The following SGPL1 variants were observed in gnomAD, a reference collection of about 807,000 sequenced individuals.
SGPL1 encodes the protein SP-lyase 1.
In SGPL1, 37 loss-of-function variants were observed where a neutral mutation model predicts 68.9. That is an observed-to-expected ratio of 0.54 (90% CI 0.41 to 0.71). SGPL1 has a LOEUF of 0.71. SGPL1 is among the 30% of genes least tolerant of loss of function. The pLI, the probability that SGPL1 is intolerant of heterozygous loss-of-function variation, is 0.00. For missense variants in SGPL1, 551 were observed against 704.6 expected (o/e 0.78, Z 2.47); for synonymous variants, 236 against 248.5 (o/e 0.95, Z 0.47).
Position 70,879,864 on chromosome 10 carries a change from C to A in SGPL1, c.*2529C>A, listed in dbSNP as rs877034. The A allele has an allele frequency of 6.6e-6, 1 of 152,460 alleles. No individual in the cohort carries two copies. Among genetic ancestry groups the A allele is most frequent in the Non-Finnish European group, 1.5e-5 (1 of 68,006 alleles). The allele number at this position is 152,460 out of a possible 1,614,324, so 9.4% of individuals were successfully genotyped here. A position where few individuals can be genotyped will look rare whatever the true frequency, so the allele number is the denominator to read the frequency against. On this transcript the variant is annotated 3_prime_UTR_variant, in exon 15 of 15. Coordinates refer to ENST00000373202, the MANE Select transcript of SGPL1 (RefSeq NM_003901.4). The stretch of plus-strand genomic sequence containing the variant: ...GTAGAGACACTTAATAGTATCATGT[C>A]GCATGCAGATGTCACATCGGCCTCT...
At chr10:70,825,546 T>G (rs1204064640) in intron 2 of SGPL1, among the ~76,000 whole-genome samples, 1 of 152,130 alleles carries the variant, frequency 6.6e-6, no homozygotes, top group Non-Finnish European at 1.5e-5. Flanking sequence ...TCCCACTGAT[T>G]TTAACAGGAT....
intron 3 of SGPL1, among the ~76,000 whole-genome samples, chr10:70,846,241 G>A (rs1176412165): frequency 1.3e-5 from 2 of 152,102 alleles, no homozygotes; most frequent in Non-Finnish European, 2.9e-5. Context: ...TCTGCTCAAT[G>A]GTTTGGATAT....
intron 6 of SGPL1, among the ~76,000 whole-genome samples, chr10:70,857,923 G>T (rs1293717182): frequency 6.6e-6 from 1 of 152,192 alleles, no homozygotes; most frequent in Admixed American, 6.5e-5. Context: ...CTTTGCAGAT[G>T]TCCTGTCTAG....
chr10:70,837,068 C>T (rs909601347), intron 2 of SGPL1, among the ~76,000 whole-genome samples: 6 of 150,312 alleles, frequency 4.0e-5, no homozygotes, highest in Admixed American at 1.3e-4. Context: ...ATTTTAATTA[C>T]GTTAAAAAGT....
intron 3 of SGPL1, among the ~76,000 whole-genome samples, chr10:70,848,308 A>G (rs1056734122): frequency 1.3e-5 from 2 of 152,340 alleles, no homozygotes; most frequent in South Asian, 4.2e-4. Flanking sequence ...CATTGTTCTT[A>G]CACTGGCATT....
intron 2 of SGPL1, among the ~76,000 whole-genome samples, chr10:70,826,281 A>AATTCC (rs1845436069): frequency 6.6e-6 from 1 of 152,186 alleles, no homozygotes; most frequent in African/African-American, 2.4e-5. Flanking sequence ...ATGCCAGTAC[A>AATTCC]ATTCCATTCC....
chr10:70,833,717 AT>A (rs568510985), intron 2 of SGPL1, among the ~76,000 whole-genome samples: 1 of 152,220 alleles, frequency 6.6e-6, no homozygotes, highest in African/African-American at 2.4e-5. Flanking sequence ...TCTCTTCTGT[AT>A]TTTAACTTCA....
At chr10:70,837,168 C>T (rs1253148598) in intron 2 of SGPL1, among the ~76,000 whole-genome samples, 1 of 151,796 alleles carries the variant, frequency 6.6e-6, no homozygotes, top group African/African-American at 2.4e-5. Context: ...ACCCCCGCCT[C>T]CCAGGTTCAA....
Position 70,877,520 on chromosome 10 carries a change from T to A in SGPL1, c.*185T>A. Reference sequence around the variant, plus strand: ...TTATCTTCCTTTTGTGGTTTTTAATTTGAAGACCCCAGAGAATTCCATTAC... The same window carrying A: ...TTATCTTCCTTTTGTGGTTTTTAATATGAAGACCCCAGAGAATTCCATTAC... On this transcript the variant is annotated 3_prime_UTR_variant, in exon 15 of 15. Transcript: ENST00000373202. 1 of 548,104 alleles carries A rather than the reference T, an allele frequency of 1.8e-6. No individual in the cohort carries two copies. The highest frequency in any genetic ancestry group is 3.2e-6 in the Non-Finnish European group (1 of 310,438). The allele number at this position is 548,104 out of a possible 1,614,324, so 34.0% of individuals were successfully genotyped here. A position where few individuals can be genotyped will look rare whatever the true frequency, so the allele number is the denominator to read the frequency against.
At chr10:70,864,810 A>G (rs768852592) in intron 7 of SGPL1, among the ~76,000 whole-genome samples, 6 of 152,164 alleles carry the variant, frequency 3.9e-5, no homozygotes, top group African/African-American at 1.2e-4. Context: ...GTCTGAGACC[A>G]TTTGGCTGGG....
At chr10:70,818,964 G>A (rs183173375) in intron 2 of SGPL1, among the ~76,000 whole-genome samples, 4 of 152,078 alleles carry the variant, frequency 2.6e-5, no homozygotes, top group Admixed American at 2.0e-4. Context: ...AGAAATAACC[G>A]CTGTGAGCAT....
chr10:70,847,639 C>A (rs971905936), intron 3 of SGPL1, among the ~76,000 whole-genome samples: 3 of 152,056 alleles, frequency 2.0e-5, no homozygotes, highest in African/African-American at 7.2e-5. Flanking sequence ...AAAAAAAAAT[C>A]GTCAAATGTT....
chr10:70,854,170 C>CTTT (rs542755242), intron 4 of SGPL1, among the ~76,000 whole-genome samples: 1 of 138,632 alleles, frequency 7.2e-6, no homozygotes, highest in Non-Finnish European at 1.6e-5. Context: ...TTGGGTGCAA[C>CTTT]TTTTTTTTTT....
At chr10:70,837,165 C>T (rs1223121333) in intron 2 of SGPL1, among the ~76,000 whole-genome samples, 4 of 151,764 alleles carry the variant, frequency 2.6e-5, no homozygotes, top group Non-Finnish European at 5.9e-5. Context: ...GCAACCCCCG[C>T]CTCCCAGGTT....
At chr10:70,848,466 T>TC (rs1479303626) in intron 3 of SGPL1, among the ~76,000 whole-genome samples, 3 of 106,718 alleles carry the variant, frequency 2.8e-5, no homozygotes, top group Non-Finnish European at 6.8e-5. Flanking sequence ...TTTTTTTTTT[T>TC]TTTTTTTTTT....
Position 70,879,255 on chromosome 10 carries a change from C to G in SGPL1, c.*1920C>G, listed in dbSNP as rs1288245224. On this transcript the variant is annotated 3_prime_UTR_variant, in exon 15 of 15. Coordinates refer to ENST00000373202, the MANE Select transcript of SGPL1 (RefSeq NM_003901.4). ...CCACTGGGAATGCTGGCTGGGAGAG[C>G]CATGACTACCAGACTTTTCCTCAGG... The G allele has an allele frequency of 2.0e-5, 3 of 152,746 alleles. No homozygotes were observed. Among genetic ancestry groups the G allele is most frequent in the African/African-American group, 7.2e-5 (3 of 41,462 alleles). 9.5% of individuals were successfully genotyped at this position (152,746 alleles called of 1,614,324 possible).
At chr10:70,855,739 T>A (rs1845953374) in intron 5 of SGPL1, among the ~76,000 whole-genome samples, 1 of 152,208 alleles carries the variant, frequency 6.6e-6, no homozygotes, top group African/African-American at 2.4e-5. Context: ...TTTAGTTTGA[T>A]ATATTTACAG....
chr10:70,836,371 A>T (rs1845627600), intron 2 of SGPL1, among the ~76,000 whole-genome samples: 1 of 152,048 alleles, frequency 6.6e-6, no homozygotes. Flanking sequence ...TATCTTGTGG[A>T]ATTCAGCTCT....
In SGPL1 at chr10:70,868,424, C is replaced by T. The variant is rs201880207; in HGVS notation, c.695C>T (p.Thr232Ile). 99 of 1,613,328 alleles carry T rather than the reference C, an allele frequency of 6.1e-5. No individual in the cohort carries two copies. The highest frequency in any genetic ancestry group is 3.3e-5 in the Admixed American group (2 of 59,998). ...RDLAFEKGIKTPEIVAPQSAH... is the reference protein window; with the variant it reads ...RDLAFEKGIKIPEIVAPQSAH... ...CTGGCCTTTGAGAAGGGGATCAAAA[C>T]TCCAGAAATGTATGTATGTGTGGCT... Residue 232 changes from threonine to isoleucine, a missense_variant, in exon 8 of 15, where the codon ACT becomes ATT. By Grantham distance (89) the Thr-to-Ile change is moderately conservative. Transcript: ENST00000373202.
Sources: allele counts gnomAD v4.1 joint callset (sites outside exome capture counted in the v4.1 genomes callset), GRCh38; gene constraint gnomAD v4.1.1; transcripts MANE v1.5; gene names NCBI Gene and HGNC (gene_info 2026-07-23, HGNC 2026-07-21).